The following ANGPT2 variants were observed in gnomAD, a reference collection of about 807,000 sequenced individuals.
The protein encoded by ANGPT2 is angiopoietin-2.
ANGPT2 carries 28 observed loss-of-function variants against 62.9 expected under a neutral mutation model. That is an observed-to-expected ratio of 0.44 (90% CI 0.33 to 0.61). The LOEUF is 0.61. Ranked by LOEUF, ANGPT2 falls within the 20% of genes least tolerant of loss-of-function variation. The pLI, the probability that ANGPT2 is intolerant of heterozygous loss-of-function variation, is 0.03. For missense variants in ANGPT2, 727 were observed against 594.9 expected (o/e 1.22, Z -2.31); for synonymous variants, 284 against 207.8 (o/e 1.37, Z -3.15).
At chr8:6,539,798 G>C (rs1316273024) in intron 1 of ANGPT2, among the ~76,000 whole-genome samples, 2 of 152,164 alleles carry the variant, frequency 1.3e-5, no homozygotes, top group Non-Finnish European at 2.9e-5. Flanking sequence ...TGTTGGTCAG[G>C]CTGGTCTGAA....
At chr8:6,534,364 C>T (rs1436318032) in intron 1 of ANGPT2, among the ~76,000 whole-genome samples, 1 of 152,138 alleles carries the variant, frequency 6.6e-6, no homozygotes, top group African/African-American at 2.4e-5. Context: ...TGCAGATCTA[C>T]CCTGTTTTAC....
intron 7 of ANGPT2, among the ~76,000 whole-genome samples, chr8:6,511,570 A>G (rs1449291745): frequency 6.6e-6 from 1 of 152,236 alleles, no homozygotes; most frequent in Non-Finnish European, 1.5e-5. Context: ...AATCCCTTAC[A>G]TGCTGCATAC....
chr8:6,561,863 T>C (rs148310024), intron 1 of ANGPT2, among the ~76,000 whole-genome samples: 2 of 152,248 alleles, frequency 1.3e-5, no homozygotes, highest in South Asian at 2.1e-4. Context: ...TAGGAAACAG[T>C]GGGATCATCT....
intron 8 of ANGPT2, among the ~76,000 whole-genome samples, chr8:6,505,421 A>G (rs1424328260): frequency 2.6e-5 from 2 of 75,744 alleles, no homozygotes; most frequent in South Asian, 3.6e-4. Flanking sequence ...CTTTATATAC[A>G]TAAAGAATAT....
chr8:6,514,647 C>T, intron 6 of ANGPT2, 30 bp downstream of exon 6: 1 of 1,593,374 alleles, frequency 6.3e-7, no homozygotes, highest in Non-Finnish European at 8.6e-7. Context: ...AAGGGAAATT[C>T]TTTTCTGATG....
chr8:6,500,161 C>G lies in ANGPT2; in HGVS notation c.*2940G>C. 5.8e-6 allele frequency: 3 copies of G among 521,574 alleles called. No individual in the cohort carries two copies. In the South Asian group the frequency reaches 6.3e-5, roughly 11 times the overall value. The allele number at this position is 521,574 out of a possible 1,614,324, so 32.3% of individuals were successfully genotyped here. ...GGAATGCAGTCCAAAGAAAATTTGA[C>G]GATTAACATCCTCAGAACTGAGAAA... On this transcript the variant is annotated 3_prime_UTR_variant, in exon 9 of 9. Transcript: ENST00000629816.
At chr8:6,505,181 TATATATATATTCTTATGTATATATAGA>T (rs1813054735) in intron 8 of ANGPT2, among the ~76,000 whole-genome samples, 1 of 143,688 alleles carries the variant, frequency 7.0e-6, no homozygotes, top group Admixed American at 7.2e-5. Context: ...AAAGAATATA[TATATATATATTCTTATGTATATATAGA>T]ATATATATAT....
chr8:6,512,625 C>T (rs1396927868), intron 7 of ANGPT2, among the ~76,000 whole-genome samples: 1 of 152,180 alleles, frequency 6.6e-6, no homozygotes, highest in Admixed American at 6.5e-5. Flanking sequence ...TTTCGGAGTG[C>T]CTCTATGTGC....
At chr8:6,505,008 T>C (rs1053361179) in intron 8 of ANGPT2, among the ~76,000 whole-genome samples, 18 of 151,678 alleles carry the variant, frequency 1.2e-4, no homozygotes, top group African/African-American at 4.4e-4. Context: ...CTTATATTAA[T>C]TTTTAAAATA....
intron 8 of ANGPT2, among the ~76,000 whole-genome samples, chr8:6,504,048 G>A (rs567563137): frequency 6.6e-6 from 1 of 152,372 alleles, no homozygotes; most frequent in South Asian, 2.1e-4. Flanking sequence ...GCCGGGCGCA[G>A]TGGCTCACGC....
rs144257035 is a variant in ANGPT2 at position 6,538,941 on chromosome 8, C to T, written c.289-6454G>A. On this transcript the variant is annotated intron_variant, in intron 1 of 8. Transcript: ENST00000629816. ...TGACCTAATGTTCTTGGTTCCCTGT[C>T]ATGAGGAAACTCTGAAACATCATTT... 3.3e-3 allele frequency among the ~76,000 whole-genome samples: 504 copies of T among 152,288 alleles called. 2 individuals are homozygous for T. Among genetic ancestry groups the T allele is most frequent in the African/African-American group, 0.012 (486 of 41,562 alleles).
intron 6 of ANGPT2, 46 bp from the exon 7 acceptor site, chr8:6,513,890 T>G: frequency 2.6e-6 from 4 of 1,542,344 alleles, no homozygotes; most frequent in Non-Finnish European, 3.5e-6. Context: ...TAATTTTTTC[T>G]TTGTATATTT....
chr8:6,529,623 ATTTTTTT>A lies in ANGPT2; in HGVS notation c.445-1954_445-1948del, dbSNP rs35322987. Among the ~76,000 whole-genome samples the A allele has an allele frequency of 2.3e-3, 274 of 120,962 alleles. 2 individuals are homozygous for A. In the South Asian group the frequency reaches 0.023, roughly 10 times the overall value. 79.4% of individuals were successfully genotyped at this position (120,962 alleles called of 152,430 possible). A position where few individuals can be genotyped will look rare whatever the true frequency, so the allele number is the denominator to read the frequency against. On this transcript the variant is annotated intron_variant, in intron 2 of 8. Coordinates refer to ENST00000629816, the MANE Select transcript of ANGPT2 (RefSeq NM_001118887.2). ...AAGTGCACACAAGCACGCCTGGCTA[ATTTTTTT>A]TTTTTTTTTTTTTTGGTAGAGATGG... is the stretch of plus-strand genomic sequence containing the variant.
intron 1 of ANGPT2, among the ~76,000 whole-genome samples, chr8:6,540,652 G>A (rs991952439): frequency 3.9e-5 from 6 of 152,228 alleles, no homozygotes; most frequent in African/African-American, 1.4e-4. Context: ...AGCTTACAAT[G>A]ACAAAATGCT....
At chr8:6,507,236 G>T (rs1236143164) in intron 8 of ANGPT2, among the ~76,000 whole-genome samples, 1 of 152,052 alleles carries the variant, frequency 6.6e-6, no homozygotes, top group Non-Finnish European at 1.5e-5. Flanking sequence ...ATCATAACTT[G>T]GGTCATCCAT....
At chr8:6,512,422 C>G (rs1815344974) in intron 7 of ANGPT2, among the ~76,000 whole-genome samples, 3 of 152,184 alleles carry the variant, frequency 2.0e-5, no homozygotes, top group Non-Finnish European at 4.4e-5. Context: ...GACTGTAGGT[C>G]AGATGATGAC....
At chr8:6,516,688 G>A (rs933466718) in intron 5 of ANGPT2, among the ~76,000 whole-genome samples, 2 of 152,184 alleles carry the variant, frequency 1.3e-5, no homozygotes, top group Non-Finnish European at 2.9e-5. Flanking sequence ...ATATATTGAA[G>A]TTAATTCTGT....
At chr8:6,540,036 T>C (rs1220548569) in intron 1 of ANGPT2, among the ~76,000 whole-genome samples, 1 of 152,212 alleles carries the variant, frequency 6.6e-6, no homozygotes, top group Non-Finnish European at 1.5e-5. Flanking sequence ...CCTCAGCTGG[T>C]GGCATTCTAA....
intron 5 of ANGPT2, among the ~76,000 whole-genome samples, chr8:6,516,015 CA>C (rs1471868004): frequency 2.0e-5 from 3 of 152,220 alleles, no homozygotes; most frequent in African/African-American, 7.2e-5. Context: ...GCCTGGTCTG[CA>C]GGGGACTTCT....
Sources: gnomAD v4.1 joint callset for allele counts (sites outside exome capture counted in the v4.1 genomes callset) on GRCh38, gnomAD v4.1.1 for gene constraint, MANE v1.5 for transcripts, NCBI Gene and HGNC (gene_info 2026-07-23, HGNC 2026-07-21) for gene names.